The following PCDH9 variants were observed in gnomAD, a reference collection of about 807,000 sequenced individuals.
PCDH9 encodes the protein protocadherin 9.
A neutral mutation model predicts 70.6 loss-of-function variants in PCDH9; 24 were observed. That is an observed-to-expected ratio of 0.34 (90% CI 0.25 to 0.48). PCDH9 has a LOEUF of 0.48. Ranked by LOEUF, PCDH9 falls within the 20% of genes least tolerant of loss-of-function variation. The pLI is 0.99. For synonymous variants in PCDH9, 562 were observed against 558.5 expected (o/e 1.01, Z -0.09); for missense variants, 1,281 against 1,503.6 (o/e 0.85, Z 2.45).
At chr13:66,489,607 C>T (rs1172619059) in intron 4 of PCDH9, among the ~76,000 whole-genome samples, 4 of 152,272 alleles carry the variant, frequency 2.6e-5, no homozygotes, top group Admixed American at 1.3e-4. Context: ...CCACCTTACC[C>T]AGCCAACATT....
At chr13:66,752,462 G>GTTATTTGTA (rs2079475413) in intron 3 of PCDH9, among the ~76,000 whole-genome samples, 1 of 151,912 alleles carries the variant, frequency 6.6e-6, no homozygotes, top group Non-Finnish European at 1.5e-5. Context: ...ATGCTCAGCT[G>GTTATTTGTA]TTTTTTGTAT....
Position 67,005,598 on chromosome 13 carries a change from T to C in PCDH9, c.3037-101993A>G, listed in dbSNP as rs950085837. On this transcript the variant is annotated intron_variant, in intron 2 of 4. Coordinates refer to ENST00000377865, the MANE Select transcript of PCDH9 (RefSeq NM_203487.3). The stretch of plus-strand genomic sequence containing the variant: ...CCCTATCCTTGCCAGTAAACTCATC[T>C]TAAGGTCCTTGTGAATCCTACAGCA... 5.3e-5 allele frequency among the ~76,000 whole-genome samples: 8 copies of C among 152,342 alleles called. No homozygotes were observed. In the East Asian group the frequency reaches 1.5e-3, roughly 29 times the overall value.
At chr13:67,039,173 G>T (rs546249245) in intron 2 of PCDH9, among the ~76,000 whole-genome samples, 1 of 152,274 alleles carries the variant, frequency 6.6e-6, no homozygotes, top group African/African-American at 2.4e-5. Context: ...CATCAGACCA[G>T]TCTGGTTCAA....
chr13:66,387,415 C>A (rs1364468211), intron 4 of PCDH9, among the ~76,000 whole-genome samples: 1 of 151,912 alleles, frequency 6.6e-6, no homozygotes, highest in African/African-American at 2.4e-5. Flanking sequence ...AAACTTGGTC[C>A]CCATTGTTGG....
rs114937127 is a variant in PCDH9 at position 66,376,034 on chromosome 13, A to C, written c.3341-71006T>G. ...CTTATAACTGACTCCCATGAAGTTA[A>C]ACAATTCAAAGTTTCCTACCCAAGA... On this transcript the variant is annotated intron_variant, in intron 4 of 4. Coordinates refer to ENST00000377865, the MANE Select transcript of PCDH9 (RefSeq NM_203487.3). 7.1e-3 allele frequency among the ~76,000 whole-genome samples: 1,079 copies of C among 152,304 alleles called. 16 individuals carry two copies. The highest frequency in any genetic ancestry group is 0.024 in the African/African-American group (1,016 of 41,572).
At chr13:66,440,814 T>C (rs899339625) in intron 4 of PCDH9, among the ~76,000 whole-genome samples, 11 of 152,156 alleles carry the variant, frequency 7.2e-5, no homozygotes, top group African/African-American at 2.7e-4. Context: ...CTATTTTCTG[T>C]CTTTTTTCTT....
intron 2 of PCDH9, among the ~76,000 whole-genome samples, chr13:66,958,536 T>C (rs1594313281): frequency 2.0e-5 from 3 of 152,308 alleles, no homozygotes; most frequent in African/African-American, 7.2e-5. Context: ...ACATACTGTA[T>C]AGCAGTTAAT....
intron 2 of PCDH9, among the ~76,000 whole-genome samples, chr13:66,967,345 A>G (rs1336614328): frequency 1.3e-5 from 2 of 152,088 alleles, no homozygotes; most frequent in African/African-American, 4.8e-5. Flanking sequence ...TTCACCACAT[A>G]TAGCTATTTA....
intron 4 of PCDH9, among the ~76,000 whole-genome samples, chr13:66,428,655 T>G (rs1260218848): frequency 6.6e-6 from 1 of 151,762 alleles, no homozygotes; most frequent in Admixed American, 6.6e-5. Context: ...GGATTGTATA[T>G]ATATGTATTT....
At chr13:66,775,266 C>T (rs2079872574) in intron 3 of PCDH9, among the ~76,000 whole-genome samples, 1 of 152,140 alleles carries the variant, frequency 6.6e-6, no homozygotes, top group African/African-American at 2.4e-5. Flanking sequence ...CCTAATGTTG[C>T]TTTCAGATTT....
At chr13:67,047,961 G>T (rs1418084113) in intron 2 of PCDH9, among the ~76,000 whole-genome samples, 1 of 152,042 alleles carries the variant, frequency 6.6e-6, no homozygotes, top group East Asian at 1.9e-4. Context: ...AATTTAGGGG[G>T]ATTAATTACT....
At chr13:66,773,485 G>A (rs2079841634) in intron 3 of PCDH9, among the ~76,000 whole-genome samples, 1 of 151,302 alleles carries the variant, frequency 6.6e-6, no homozygotes, top group South Asian at 2.1e-4. Context: ...AAAAAAATTA[G>A]CCGGGCGTGG....
rs112685390 is a variant in PCDH9, at chr13:66,451,414, C to T, written c.3341-146386G>A. Among the ~76,000 whole-genome samples the T allele has an allele frequency of 3.8e-3, 578 of 152,172 alleles. 5 individuals carry two copies. The highest frequency in any genetic ancestry group is 0.013 in the African/African-American group (557 of 41,538). On this transcript the variant is annotated intron_variant, in intron 4 of 4. Coordinates refer to ENST00000377865, the MANE Select transcript of PCDH9 (RefSeq NM_203487.3). ...TTTCAACAAATTTCCAAGGTAGCTG[C>T]TATGGGGATATTTTAAAATGAACCT... is the stretch of plus-strand genomic sequence containing the variant.
At chr13:66,832,588 T>C (rs901161131) in intron 3 of PCDH9, among the ~76,000 whole-genome samples, 17 of 152,158 alleles carry the variant, frequency 1.1e-4, no homozygotes, top group African/African-American at 4.1e-4. Context: ...GTAATCGTTA[T>C]CCATTTACAA....
At chr13:66,640,252 A>G (rs1318872393) in intron 3 of PCDH9, among the ~76,000 whole-genome samples, 1 of 152,204 alleles carries the variant, frequency 6.6e-6, no homozygotes, top group Non-Finnish European at 1.5e-5. Context: ...ACCTCTTGTC[A>G]ATATTTATAA....
At chr13:66,686,422 T>C (rs1178613581) in intron 3 of PCDH9, among the ~76,000 whole-genome samples, 7 of 152,158 alleles carry the variant, frequency 4.6e-5, no homozygotes, top group Non-Finnish European at 7.3e-5. Flanking sequence ...TAAACCTCTT[T>C]CCATTATAAA....
At chr13:67,077,772 C>T (rs141127731) in intron 2 of PCDH9, among the ~76,000 whole-genome samples, 1 of 152,118 alleles carries the variant, frequency 6.6e-6, no homozygotes, top group East Asian at 1.9e-4. Flanking sequence ...TCAACAACTA[C>T]CACTAACATT....
intron 2 of PCDH9, among the ~76,000 whole-genome samples, chr13:67,162,310 T>C (rs1452783654): frequency 6.6e-6 from 1 of 152,242 alleles, no homozygotes; most frequent in Non-Finnish European, 1.5e-5. Flanking sequence ...TATTTCAAAA[T>C]ACATGTCAAC....
chr13:66,502,511 T>TA (rs1316233321), intron 4 of PCDH9, among the ~76,000 whole-genome samples: 1 of 152,108 alleles, frequency 6.6e-6, no homozygotes, highest in Non-Finnish European at 1.5e-5. Context: ...AAACACACTA[T>TA]AAAAAAATTT....
Sources: allele counts gnomAD v4.1 joint callset (sites outside exome capture counted in the v4.1 genomes callset), GRCh38; gene constraint gnomAD v4.1.1; transcripts MANE v1.5; gene names NCBI Gene and HGNC (gene_info 2026-07-23, HGNC 2026-07-21).